The following TRAPPC13 variants were observed in gnomAD, a reference collection of about 807,000 sequenced individuals.
TRAPPC13 encodes the protein trafficking protein particle complex subunit 13.
TRAPPC13 carries 39 observed loss-of-function variants against 54.0 expected under a neutral mutation model. The ratio of observed to expected loss-of-function variants is 0.72; its 90% confidence interval spans 0.56 to 0.94. TRAPPC13 has a LOEUF of 0.94. Ranked by LOEUF, TRAPPC13 falls within the 40% of genes least tolerant of loss-of-function variation. The pLI, the probability that TRAPPC13 is intolerant of heterozygous loss-of-function variation, is 0.00. For missense variants in TRAPPC13, 386 were observed against 488.1 expected, an observed-to-expected ratio of 0.79 and a Z score of 1.97; for synonymous variants, 148 against 167.7, an observed-to-expected ratio of 0.88 and a Z score of 0.91.
chr5:65,659,988 A>AAG (rs1554130465), intron 9 of TRAPPC13, among the ~76,000 whole-genome samples: 11 of 139,268 alleles, frequency 7.9e-5, no homozygotes, highest in Admixed American at 7.2e-5. Flanking sequence ...AAAAAAAAAA[A>AAG]AAGAAGAAGA....
chr5:65,642,336 T>A (rs906048150), intron 4 of TRAPPC13, among the ~76,000 whole-genome samples: 25 of 151,634 alleles, frequency 1.6e-4, no homozygotes, highest in Non-Finnish European at 3.1e-4. Flanking sequence ...AAAAAAAAAA[T>A]TTCTTGTATT....
intron 9 of TRAPPC13, among the ~76,000 whole-genome samples, 191 bp downstream of exon 9, chr5:65,658,692 C>T (rs937311096): frequency 2.9e-5 from 4 of 139,712 alleles, no homozygotes; most frequent in South Asian, 4.4e-4. Flanking sequence ...TTGTTATTTA[C>T]GTCTTGTTTT....
intron 1 of TRAPPC13, among the ~76,000 whole-genome samples, chr5:65,631,761 G>A (rs1755552089): frequency 1.3e-5 from 2 of 152,064 alleles, no homozygotes; most frequent in Admixed American, 6.5e-5. Context: ...TATTTTTAAT[G>A]GAGGATCATT....
At position 65,658,463 on chromosome 5, in the gene TRAPPC13, T is replaced by C. The variant is rs1756729666; in HGVS notation, c.660T>C (p.Asn220=). 6.3e-7 allele frequency: 1 copy of C among 1,581,724 alleles called. No individual in the cohort carries two copies. Among genetic ancestry groups the C allele is most frequent in the African/African-American group, 1.3e-5 (1 of 74,378 alleles). ...KVSLEPSIMY[N]VTELNSVSQA... is the part of the protein sequence containing the mutation. ...CACTGGAGCCATCTATTATGTACAA[T>C]GTAACAGAATTAAATTCAGTCAGCC... The change falls in exon 9 of 13, where the codon AAT becomes AAC. Residue 220 remains asparagine (N), a synonymous_variant. Transcript: ENST00000399438.
intron 4 of TRAPPC13, among the ~76,000 whole-genome samples, chr5:65,641,873 T>A (rs983701250): frequency 2.8e-5 from 4 of 144,254 alleles, no homozygotes; most frequent in African/African-American, 1.0e-4. Context: ...ACACTTTTTC[T>A]TTTTTTTTTT....
chr5:65,659,903 C>T (rs79488898), intron 9 of TRAPPC13, among the ~76,000 whole-genome samples: 11,039 of 141,324 alleles, frequency 0.078, 414 homozygotes, highest in East Asian at 0.1. Flanking sequence ...TTCAAGGCTG[C>T]AGTGAGCCAT....
chr5:65,659,978 A>C (rs1037733507), intron 9 of TRAPPC13, among the ~76,000 whole-genome samples: 2 of 150,742 alleles, frequency 1.3e-5, no homozygotes, highest in East Asian at 1.9e-4. Flanking sequence ...AAAAAAAAAA[A>C]AAAAAAAAAA....
chr5:65,637,083 A>G (rs1755775738), intron 3 of TRAPPC13, among the ~76,000 whole-genome samples: 1 of 152,232 alleles, frequency 6.6e-6, no homozygotes, highest in Non-Finnish European at 1.5e-5. Context: ...ACCTATTCAG[A>G]TACAAATCCT....
In TRAPPC13 at chr5:65,630,409, T is replaced by C; in HGVS notation, c.47-4892T>C. ...ATATGGATTGAAATAGATAAAATAA[T>C]TTTTACAGGTTTTAAAATTTTTAAT... On this transcript the variant is annotated intron_variant, in intron 1 of 12. Coordinates refer to ENST00000399438, the MANE Select transcript of TRAPPC13 (RefSeq NM_024941.4). The C allele has an allele frequency of 3.6e-6, 5 of 1,401,744 alleles. No individual in the cohort carries two copies. The East Asian group carries it at 1.0e-4, about 29-fold the overall frequency. 86.8% of individuals were successfully genotyped at this position (1,401,744 alleles called of 1,614,324 possible). A position where few individuals can be genotyped will look rare whatever the true frequency, so the allele number is the denominator to read the frequency against.
intron 3 of TRAPPC13, among the ~76,000 whole-genome samples, chr5:65,636,586 G>A (rs947954037): frequency 2.0e-5 from 3 of 151,622 alleles, no homozygotes; most frequent in Middle Eastern, 3.2e-3. Flanking sequence ...TTCTTCTTTA[G>A]ATCTTACTAT....
intron 1 of TRAPPC13, among the ~76,000 whole-genome samples, chr5:65,626,890 T>C (rs528445056): frequency 4.4e-4 from 67 of 151,966 alleles, no homozygotes; most frequent in Admixed American, 8.5e-4. Flanking sequence ...ACGCCTGTAA[T>C]AGCACTTTGG....
intron 2 of TRAPPC13, 82 bp downstream of exon 2, chr5:65,635,451 C>A (rs1755712809): frequency 2.7e-6 from 3 of 1,123,386 alleles, no homozygotes; most frequent in East Asian, 4.8e-5. Flanking sequence ...CTAAGCCTAG[C>A]CCTGTAAATT....
At chr5:65,631,857 G>T (rs545364159) in intron 1 of TRAPPC13, among the ~76,000 whole-genome samples, 146 of 150,324 alleles carry the variant, frequency 9.7e-4, no homozygotes, top group African/African-American at 3.3e-3. Context: ...ATAGAAATTG[G>T]AACCTATAAT....
chr5:65,631,110 A>G (rs964499663), intron 1 of TRAPPC13, among the ~76,000 whole-genome samples: 6 of 152,214 alleles, frequency 3.9e-5, no homozygotes, highest in African/African-American at 1.4e-4. Context: ...ACTTTGCACT[A>G]GGTGCTAGGA....
intron 5 of TRAPPC13, 111 bp from the exon 6 acceptor site, chr5:65,650,699 C>A: frequency 1.3e-6 from 1 of 773,462 alleles, no homozygotes; most frequent in South Asian, 1.7e-5. Context: ...CTCACACATC[C>A]ACACCATAGA....
At chr5:65,645,071 G>A (rs1222199638) in intron 4 of TRAPPC13, among the ~76,000 whole-genome samples, 1 of 151,562 alleles carries the variant, frequency 6.6e-6, no homozygotes, top group Non-Finnish European at 1.5e-5. Context: ...GGTGACGGGC[G>A]CCTGTAATCC....
Position 65,630,296 on chromosome 5 carries a change from ATTAAT to A in TRAPPC13, c.47-5001_47-4997del, listed in dbSNP as rs767522155. ...AGGAAGATTAGCTCTTACTGGAAAA[ATTAAT>A]TTATTTGTGCATAAATATGGTGTTA... is the stretch of plus-strand genomic sequence containing the variant. On this transcript the variant is annotated intron_variant, in intron 1 of 12. Coordinates refer to ENST00000399438, the MANE Select transcript of TRAPPC13 (RefSeq NM_024941.4). 4 of 1,530,972 alleles carry A rather than the reference ATTAAT, an allele frequency of 2.6e-6. No individual in the cohort carries two copies. The Admixed American group carries it at 5.9e-5, about 23-fold the overall frequency. 94.8% of individuals were successfully genotyped at this position (1,530,972 alleles called of 1,614,324 possible).
Position 65,637,788 on chromosome 5 carries a change from A to G in TRAPPC13, c.300+8A>G, listed in dbSNP as rs1262179450. On this transcript the variant is annotated splice_region_variant and intron_variant, in intron 4 of 12. Coordinates refer to ENST00000399438, the MANE Select transcript of TRAPPC13 (RefSeq NM_024941.4). Reference sequence around the variant, plus strand: ...AAAGACATATTAGTAAAAGTAAGTAACATTCTTACTTGGGATGTATTTTAG... The same window carrying G: ...AAAGACATATTAGTAAAAGTAAGTAGCATTCTTACTTGGGATGTATTTTAG... 6.8e-7 allele frequency: 1 copy of G among 1,481,340 alleles called. No homozygotes were observed. The highest frequency in any genetic ancestry group is 1.2e-5 in the South Asian group (1 of 82,990). 91.8% of individuals were successfully genotyped at this position (1,481,340 alleles called of 1,614,324 possible).
intron 6 of TRAPPC13, among the ~76,000 whole-genome samples, chr5:65,651,350 C>T (rs1756424563): frequency 6.6e-6 from 1 of 152,172 alleles, no homozygotes; most frequent in Non-Finnish European, 1.5e-5. Context: ...CACTGCACTC[C>T]AGCTTGGTCA....
Sources: allele counts gnomAD v4.1 joint callset (sites outside exome capture counted in the v4.1 genomes callset), GRCh38; gene constraint gnomAD v4.1.1; transcripts MANE v1.5; gene names NCBI Gene and HGNC (gene_info 2026-07-23, HGNC 2026-07-21).